FBN3: variants seen among roughly 807,000 people sequenced by gnomAD.
FBN3 encodes the protein fibrillin 3.
A neutral mutation model predicts 330.1 loss-of-function variants in FBN3; 234 were observed. The ratio of observed to expected loss-of-function variants is 0.71; its 90% confidence interval spans 0.64 to 0.79. The LOEUF is 0.79. Ranked by LOEUF, FBN3 falls within the 30% of genes least tolerant of loss-of-function variation. The pLI is 0.00. For synonymous variants in FBN3, 1,458 were observed against 1,517.3 expected, an observed-to-expected ratio of 0.96 and a Z score of 0.91; for missense variants, 3,606 against 3,886.9, an observed-to-expected ratio of 0.93 and a Z score of 1.92.
chr19:8,100,717 C>A (rs751370955), intron 41 of FBN3, among the ~76,000 whole-genome samples, 184 bp downstream of exon 41: 5 of 151,666 alleles, frequency 3.3e-5, no homozygotes, highest in Non-Finnish European at 5.9e-5. Flanking sequence ...TAGTGTCATT[C>A]TTTTTTTAAA....
intron 36 of FBN3, among the ~76,000 whole-genome samples, chr19:8,108,867 C>A (rs2144808847): frequency 1.3e-5 from 2 of 152,260 alleles, no homozygotes; most frequent in East Asian, 3.9e-4. Flanking sequence ...CTCTCACAGT[C>A]CTGAAACTGT....
rs2082014508 is a variant in FBN3 at position 8,088,304 on chromosome 19, G to A, written c.6377-125C>T. 6 of 1,207,602 alleles carry A rather than the reference G, an allele frequency of 5.0e-6. No homozygotes were observed. In the South Asian group the frequency reaches 7.4e-5, roughly 15 times the overall value. The allele number at this position is 1,207,602 out of a possible 1,614,324, so 74.8% of individuals were successfully genotyped here. On this transcript the variant is annotated intron_variant, in intron 51 of 63. Transcript: ENST00000600128. ...CCAGATCGAATGCACCTCTAGTCTG[G>A]CTATGGGGCAGGCAAGCGGTATGTG...
intron 18 of FBN3, among the ~76,000 whole-genome samples, chr19:8,128,691 G>C (rs923278821): frequency 2.0e-5 from 3 of 152,200 alleles, no homozygotes; most frequent in Non-Finnish European, 4.4e-5. Context: ...CATGCACACA[G>C]CATGTCTGAA....
At chr19:8,107,015 G>A (rs867504297) in intron 37 of FBN3, among the ~76,000 whole-genome samples, 1 of 150,652 alleles carries the variant, frequency 6.6e-6, no homozygotes, top group Admixed American at 6.6e-5. Context: ...GATGAAGGAT[G>A]GGGGGTGGAT....
intron 57 of FBN3, among the ~76,000 whole-genome samples, chr19:8,082,297 CTCTCTTTCTCCCTT>C: frequency 7.2e-6 from 1 of 138,724 alleles, no homozygotes; most frequent in Non-Finnish European, 1.6e-5. Context: ...CTCTCCCTTT[CTCTCTTTCTCCCTT>C]TCTCTTTCTT....
chr19:8,066,711 G>GAAAATACAAAAAAAAAAAACCCAGTCT (rs2081399552), intron 63 of FBN3, among the ~76,000 whole-genome samples: 1 of 151,768 alleles, frequency 6.6e-6, no homozygotes, highest in Non-Finnish European at 1.5e-5. Flanking sequence ...AAACCCAGTC[G>GAAAATACAAAAAAAAAAAACCCAGTCT]CTACTAAAAA....
At chr19:8,120,181 T>A (rs1198381304) in intron 25 of FBN3, among the ~76,000 whole-genome samples, 4 of 146,922 alleles carry the variant, frequency 2.7e-5, no homozygotes, top group Non-Finnish European at 6.0e-5. Flanking sequence ...TTTTTTTTTT[T>A]AATTTGGAGA....
At chr19:8,090,049 G>C (rs897268387) in intron 49 of FBN3, 50 bp downstream of exon 49, 3 of 1,603,702 alleles carry the variant, frequency 1.9e-6, no homozygotes, top group Non-Finnish European at 2.6e-6. Flanking sequence ...AATGAGAGAG[G>C]AAGGTGAGGG....
chr19:8,106,027 A>G (rs2082429436), intron 38 of FBN3, 81 bp downstream of exon 38: 37 of 1,558,082 alleles, frequency 2.4e-5, no homozygotes, highest in Middle Eastern at 1.7e-4. Context: ...TCCCTCCTCT[A>G]CCCTTGTGAG....
In FBN3 at chr19:8,087,128, C is replaced by T. The variant is rs754675590; in HGVS notation, c.6703G>A (p.Val2235Ile). 201 of 1,610,870 alleles carry T rather than the reference C, an allele frequency of 1.2e-4. No homozygotes were observed. The highest frequency in any genetic ancestry group is 1.7e-4 in the Non-Finnish European group (196 of 1,179,548). ...AGGGGCCGCATGCCTGGGGGACAGA[C>T]GCACGCGAAGGTACCGATGAGGTTC... ...CKNLIGTFAC[V>I]CPPGMRPLPG... Residue 2235 changes from valine (V) to isoleucine (I), a missense_variant, in exon 54 of 64, where the codon GTC (valine) becomes ATC (isoleucine). Val to Ile is a conservative substitution (Grantham distance 29). Coordinates refer to ENST00000600128, the MANE Select transcript of FBN3 (RefSeq NM_032447.5).
rs1003229050 is a variant in FBN3 at position 8,149,409 on chromosome 19, C to A, written c.-18+40G>T. On this transcript the variant is annotated intron_variant, in intron 1 of 63. Coordinates refer to ENST00000600128, the MANE Select transcript of FBN3 (RefSeq NM_032447.5). The surrounding 1 kb of genome is among the most constrained non-coding windows in gnomAD (Gnocchi z 5.5). ...CCCGCCTTCTCCACCCTTCAGCGCC[C>A]GCGATCTCGCCCCGCCGCTGGCCCC... 1 of 151,814 alleles carries A rather than the reference C, an allele frequency of 6.6e-6. No homozygotes were observed. The highest frequency in any genetic ancestry group is 1.5e-5 in the Non-Finnish European group (1 of 67,892). 9.4% of individuals were successfully genotyped at this position (151,814 alleles called of 1,614,324 possible). A position where few individuals can be genotyped will look rare whatever the true frequency, so the allele number is the denominator to read the frequency against.
rs1182966392 is a variant in FBN3, at chr19:8,131,302, G to A, written c.1991-14C>T. On this transcript the variant is annotated splice_polypyrimidine_tract_variant and intron_variant, in intron 15 of 63. Coordinates refer to ENST00000600128, the MANE Select transcript of FBN3 (RefSeq NM_032447.5). The surrounding 1 kb of genome is among the most constrained non-coding windows in gnomAD (Gnocchi z 4.5). ...CCTGGAACTCAGCTGGGGATGGAGG[G>A]ACAGAGTGAGACGGGTCAGGGAGCT... 6.2e-7 allele frequency: 1 copy of A among 1,611,060 alleles called. No individual in the cohort carries two copies. Among genetic ancestry groups the A allele is most frequent in the Non-Finnish European group, 8.5e-7 (1 of 1,179,250 alleles).
Position 8,109,905 on chromosome 19 carries a change from C to T in FBN3, c.4334-152G>A, listed in dbSNP as rs2082538601. 3 of 818,840 alleles carry T rather than the reference C, an allele frequency of 3.7e-6. No homozygotes were observed. Among genetic ancestry groups the T allele is most frequent in the Non-Finnish European group, 5.3e-6 (3 of 568,812 alleles). The allele number at this position is 818,840 out of a possible 1,614,324, so 50.7% of individuals were successfully genotyped here. A position where few individuals can be genotyped will look rare whatever the true frequency, so the allele number is the denominator to read the frequency against. On this transcript the variant is annotated intron_variant, in intron 34 of 63. Transcript: ENST00000600128. This position sits in a 1 kb window ranked among gnomAD's most constrained non-coding sequence, Gnocchi z 5.2. Reference sequence around the variant, plus strand: ...GTCATGTCCTTCCCTGGGAAGAAACCTAAGGGGACAGGAGCCTCCAGTCTG... The same window carrying T: ...GTCATGTCCTTCCCTGGGAAGAAACTTAAGGGGACAGGAGCCTCCAGTCTG...
intron 48 of FBN3, 105 bp from the exon 49 acceptor site, chr19:8,090,356 C>G (rs944073511): frequency 7.7e-7 from 1 of 1,297,064 alleles, no homozygotes; most frequent in Non-Finnish European, 1.1e-6. Flanking sequence ...TGTGCTGATC[C>G]TGCCAGTGGC....
intron 51 of FBN3, among the ~76,000 whole-genome samples, chr19:8,089,170 G>GGAATGAGTGAGCCAAGGAGT (rs2082036207): frequency 6.6e-6 from 1 of 152,132 alleles, no homozygotes; most frequent in Non-Finnish European, 1.5e-5. Context: ...AACAAGTGAA[G>GGAATGAGTGAGCCAAGGAGT]GAATGAGTGA....
intron 30 of FBN3, among the ~76,000 whole-genome samples, chr19:8,112,616 C>CTCTA (rs1418288926): frequency 6.6e-6 from 1 of 152,128 alleles, no homozygotes; most frequent in African/African-American, 2.4e-5. Flanking sequence ...TGCCACTGCA[C>CTCTA]TCTAGCCTGG....
At chr19:8,119,813 C>CTTTTTTT (rs869084219) in intron 25 of FBN3, among the ~76,000 whole-genome samples, 4 of 48,782 alleles carry the variant, frequency 8.2e-5, no homozygotes, top group Non-Finnish European at 1.4e-4. Flanking sequence ...CGAGCCCAGC[C>CTTTTTTT]TTTTTTTTTT....
chr19:8,136,368 T>G lies in FBN3; in HGVS notation c.1345+20A>C, dbSNP rs1454338843. ...CAGGGCAGTGAGAACCGCCCCCCCTTCCACCTGGCCGCGGCTCACCAATGC... is the reference window on the plus strand; with the variant it reads ...CAGGGCAGTGAGAACCGCCCCCCCTGCCACCTGGCCGCGGCTCACCAATGC... On this transcript the variant is annotated intron_variant, in intron 11 of 63. Coordinates refer to ENST00000600128, the MANE Select transcript of FBN3 (RefSeq NM_032447.5). The G allele has an allele frequency of 1.9e-6, 3 of 1,610,248 alleles. No homozygotes were observed. Among genetic ancestry groups the G allele is most frequent in the Non-Finnish European group, 2.5e-6 (3 of 1,177,192 alleles).
Position 8,123,777 on chromosome 19 carries a change from A to G in FBN3, c.2956+7T>C, listed in dbSNP as rs200114345. 521 of 1,612,258 alleles carry G rather than the reference A, an allele frequency of 3.2e-4. 2 individuals carry two copies. In the African/African-American group the frequency reaches 6.0e-3, roughly 18 times the overall value. On this transcript the variant is annotated splice_region_variant and intron_variant, in intron 23 of 63. Coordinates refer to ENST00000600128, the MANE Select transcript of FBN3 (RefSeq NM_032447.5). ...TTCCAGGGGCCTGACCCCTTCCCCA[A>G]CCGCACCTTTATAGAATGGTCGGCC...
Sources: gnomAD v4.1 joint callset for allele counts (sites outside exome capture counted in the v4.1 genomes callset) on GRCh38, gnomAD v4.1.1 for gene constraint, Gnocchi (gnomAD v3.1) non-coding constraint, MANE v1.5 for transcripts, NCBI Gene and HGNC (gene_info 2026-07-23, HGNC 2026-07-21) for gene names.